NTM: variants seen among roughly 807,000 people sequenced by gnomAD.
NTM encodes the protein neurotrimin, also known as IgLON family member 2.
In NTM, 13 loss-of-function variants were observed where a neutral mutation model predicts 42.1. That is an observed-to-expected ratio of 0.31 (90% CI 0.20 to 0.49). NTM has a LOEUF of 0.49. NTM is among the 20% of genes least tolerant of loss of function. The pLI, the probability that NTM is intolerant of heterozygous loss-of-function variation, is 0.99. For synonymous variants in NTM, 187 were observed against 179.2 expected (o/e 1.04, Z -0.35); for missense variants, 373 against 452.8 (o/e 0.82, Z 1.60).
At chr11:131,604,566 G>T (rs1228206045) in intron 1 of NTM, among the ~76,000 whole-genome samples, 2 of 151,268 alleles carry the variant, frequency 1.3e-5, no homozygotes, top group Non-Finnish European at 2.9e-5. Flanking sequence ...TGTCACTAGT[G>T]CTTTTGTTGT....
At chr11:131,658,815 C>CA (rs1269577981) in intron 1 of NTM, among the ~76,000 whole-genome samples, 4 of 152,002 alleles carry the variant, frequency 2.6e-5, no homozygotes, top group African/African-American at 9.7e-5. Context: ...AATAAAAATA[C>CA]AAAAAATTAG....
intron 1 of NTM, among the ~76,000 whole-genome samples, chr11:131,457,927 A>C (rs11222638): frequency 0.081 from 12,328 of 152,194 alleles, 1,274 homozygotes; most frequent in African/African-American, 0.23. Flanking sequence ...CAGAAGCCAG[A>C]CATGCTGACA....
intron 1 of NTM, among the ~76,000 whole-genome samples, chr11:131,509,054 TAAA>T (rs1051843331): frequency 2.0e-5 from 3 of 151,974 alleles, no homozygotes; most frequent in African/African-American, 7.3e-5. Context: ...ATAATAATAA[TAAA>T]AAAGAAATTT....
intron 1 of NTM, among the ~76,000 whole-genome samples, chr11:131,510,411 A>C (rs2048080479): frequency 6.6e-6 from 1 of 152,226 alleles, no homozygotes; most frequent in African/African-American, 2.4e-5. Context: ...ATAGATGGAG[A>C]GTGGATGGGT....
intron 2 of NTM, among the ~76,000 whole-genome samples, chr11:131,979,900 C>G (rs1420984881): frequency 6.6e-6 from 1 of 152,194 alleles, no homozygotes; most frequent in Non-Finnish European, 1.5e-5. Flanking sequence ...GGGCCATTCT[C>G]TATAGGGAGC....
intron 2 of NTM, among the ~76,000 whole-genome samples, chr11:132,134,705 G>GTGTA (rs1277579004): frequency 5.1e-4 from 39 of 75,894 alleles, no homozygotes; most frequent in South Asian, 1.3e-3. Flanking sequence ...GTATTCCATG[G>GTGTA]TATATATATA....
intron 2 of NTM, among the ~76,000 whole-genome samples, chr11:131,928,123 TTAATAA>T (rs2058163470): frequency 6.6e-6 from 1 of 152,122 alleles, no homozygotes; most frequent in East Asian, 1.9e-4. Flanking sequence ...CACCATAATA[TTAATAA>T]TAACAACAGA....
At chr11:131,759,751 C>T (rs779582912) in intron 1 of NTM, among the ~76,000 whole-genome samples, 2 of 151,004 alleles carry the variant, frequency 1.3e-5, no homozygotes, top group South Asian at 4.2e-4. Flanking sequence ...TAAGAATATT[C>T]TTTATCCAGG....
intron 1 of NTM, among the ~76,000 whole-genome samples, chr11:131,843,214 A>G (rs2044493781): frequency 6.6e-6 from 1 of 152,142 alleles, no homozygotes; most frequent in Admixed American, 6.5e-5. Flanking sequence ...CCACTTGTTT[A>G]TTCTTCTCTA....
At chr11:132,199,694 TCAAATTCCCAA>T (rs781356266) in intron 3 of NTM, among the ~76,000 whole-genome samples, 519 of 152,278 alleles carry the variant, frequency 3.4e-3, no homozygotes, top group Non-Finnish European at 4.1e-3. Context: ...AGAGTTATTG[TCAAATTCCCAA>T]CTTGCCCTTT....
At chr11:132,192,906 G>A (rs2079543930) in intron 3 of NTM, among the ~76,000 whole-genome samples, 1 of 152,046 alleles carries the variant, frequency 6.6e-6, no homozygotes, top group Non-Finnish European at 1.5e-5. Flanking sequence ...AGGACAAAGA[G>A]AATCATTGCT....
intron 3 of NTM, among the ~76,000 whole-genome samples, chr11:132,205,696 A>C (rs1020442255): frequency 9.9e-5 from 15 of 152,138 alleles, no homozygotes; most frequent in African/African-American, 3.4e-4. Flanking sequence ...GACCTTTTCA[A>C]AGGACTCTTC....
intron 1 of NTM, among the ~76,000 whole-genome samples, chr11:131,770,301 GTGT>G (rs1315876146): frequency 6.6e-6 from 1 of 152,314 alleles, no homozygotes; most frequent in East Asian, 1.9e-4. Context: ...AAAACTCAGG[GTGT>G]TAATGTCAAA....
intron 1 of NTM, among the ~76,000 whole-genome samples, chr11:131,618,857 C>T (rs757529945): frequency 6.6e-6 from 1 of 152,162 alleles, no homozygotes; most frequent in Non-Finnish European, 1.5e-5. Flanking sequence ...GTATCCATCA[C>T]CAACTATTTA....
At chr11:132,286,840 G>C (rs778333996) in intron 4 of NTM, among the ~76,000 whole-genome samples, 2 of 152,158 alleles carry the variant, frequency 1.3e-5, no homozygotes, top group African/African-American at 4.8e-5. Context: ...GACTTAGGAA[G>C]CTCCGCCATC....
intron 1 of NTM, among the ~76,000 whole-genome samples, chr11:131,631,647 C>G (rs1487677975): frequency 1.3e-5 from 2 of 152,204 alleles, no homozygotes; most frequent in African/African-American, 4.8e-5. Context: ...ACTTTCATTT[C>G]TACAATTTCC....
At chr11:132,025,386 G>A (rs2075030433) in intron 2 of NTM, among the ~76,000 whole-genome samples, 1 of 152,268 alleles carries the variant, frequency 6.6e-6, no homozygotes, top group Non-Finnish European at 1.5e-5. Context: ...AAGCAATTTT[G>A]TAATTCTTTT....
intron 1 of NTM, among the ~76,000 whole-genome samples, chr11:131,614,330 G>T (rs1199032956): frequency 2.0e-5 from 3 of 152,194 alleles, no homozygotes; most frequent in Non-Finnish European, 4.4e-5. Context: ...TGCAGAGTTC[G>T]GAAGGAATCC....
chr11:132,208,858 G>A (rs1433855481), intron 3 of NTM, among the ~76,000 whole-genome samples: 1 of 152,118 alleles, frequency 6.6e-6, no homozygotes, highest in Non-Finnish European at 1.5e-5. Context: ...ATCCCTTGCA[G>A]AGCATCTCGG....
Sources: allele counts gnomAD v4.1 joint callset (sites outside exome capture counted in the v4.1 genomes callset), GRCh38; gene constraint gnomAD v4.1.1; transcripts MANE v1.5; gene names NCBI Gene and HGNC (gene_info 2026-07-23, HGNC 2026-07-21).